TMPRSS15: variants seen among roughly 807,000 people sequenced by gnomAD.
TMPRSS15 encodes the protein transmembrane serine protease 15, also known as enteropeptidase.
In TMPRSS15, 128 loss-of-function variants were observed where a neutral mutation model predicts 125.3. The ratio of observed to expected loss-of-function variants is 1.02; its 90% CI spans 0.89 to 1.18. TMPRSS15 has a LOEUF of 1.18. Among genes scored for constraint, TMPRSS15 ranks in the 50% most tolerant of loss-of-function variants. TMPRSS15 has a pLI of 0.00. For synonymous variants in TMPRSS15, 446 were observed against 423.2 expected (o/e 1.05, Z -0.66); for missense variants, 1,283 against 1,212.7 (o/e 1.06, Z -0.86).
At chr21:18,367,956 A>G (rs190394435) in intron 6 of TMPRSS15, among the ~76,000 whole-genome samples, 2 of 152,300 alleles carry the variant, frequency 1.3e-5, no homozygotes, top group African/African-American at 4.8e-5. Flanking sequence ...CACTCTTTGA[A>G]CTGAAAAGCA....
At chr21:18,467,400 T>C (rs1978688108) in intron 1 of TMPRSS15, among the ~76,000 whole-genome samples, 1 of 150,252 alleles carries the variant, frequency 6.7e-6, no homozygotes, top group Non-Finnish European at 1.5e-5. Context: ...GAATGAAAAG[T>C]ATAATAATAA....
intron 1 of TMPRSS15, among the ~76,000 whole-genome samples, chr21:18,470,524 TG>T (rs1978757413): frequency 6.6e-6 from 1 of 152,066 alleles, no homozygotes; most frequent in African/African-American, 2.4e-5. Context: ...CTCTGGGTGA[TG>T]GTTAAGTGTG....
chr21:18,287,888 A>T (rs186864312), intron 21 of TMPRSS15, among the ~76,000 whole-genome samples: 1 of 152,294 alleles, frequency 6.6e-6, no homozygotes, highest in African/African-American at 2.4e-5. Flanking sequence ...CAAAGTCAAT[A>T]TTACTAACCT....
chr21:18,304,794 T>C (rs1246029118), intron 18 of TMPRSS15, among the ~76,000 whole-genome samples: 1 of 152,218 alleles, frequency 6.6e-6, no homozygotes, highest in Non-Finnish European at 1.5e-5. Flanking sequence ...AAATTTTTGA[T>C]AATTATTTTT....
rs572643575 is a variant in TMPRSS15 at position 18,372,013 on chromosome 21, A to G, written c.664+180T>C. Among the ~76,000 whole-genome samples, 5 of 151,944 alleles carry G rather than the reference A, an allele frequency of 3.3e-5. No individual in the cohort carries two copies. In the East Asian group the frequency reaches 9.7e-4, roughly 29 times the overall value. ...ATAAAGTTTAGGAAAATATTAATAA[A>G]ATTATTTTAAGATTTTGTATTATAT... On this transcript the variant is annotated intron_variant, in intron 6 of 24. Coordinates refer to ENST00000284885, the MANE Select transcript of TMPRSS15 (RefSeq NM_002772.3).
intron 17 of TMPRSS15, 22 bp downstream of exon 17, chr21:18,315,124 T>C: frequency 3.2e-6 from 5 of 1,584,488 alleles, no homozygotes; most frequent in Non-Finnish European, 4.3e-6. Flanking sequence ...CATAAAAGTA[T>C]TTTCCTAAAA....
intron 1 of TMPRSS15, among the ~76,000 whole-genome samples, chr21:18,450,385 A>C (rs1053297728): frequency 2.0e-5 from 3 of 152,104 alleles, no homozygotes; most frequent in Admixed American, 6.6e-5. Flanking sequence ...TCAGTTTCAC[A>C]TGGCGATTTC....
intron 7 of TMPRSS15, among the ~76,000 whole-genome samples, chr21:18,364,711 C>A (rs1359991272): frequency 1.3e-5 from 2 of 152,172 alleles, no homozygotes; most frequent in Non-Finnish European, 2.9e-5. Context: ...AGGCTGTTCC[C>A]TGCTCTTAAT....
rs369416613 is a variant in TMPRSS15 at position 18,485,287 on chromosome 21, T to C, written c.10+512A>G. Reference sequence around the variant, plus strand: ...TGTGAATAATGATAATTTTTTCCTCTTTATTTCAATCTTTATGTATTTTTT... The same window carrying C: ...TGTGAATAATGATAATTTTTTCCTCCTTATTTCAATCTTTATGTATTTTTT... On this transcript the variant is annotated intron_variant, in intron 1 of 7. Coordinates refer to the TMPRSS15 transcript ENST00000422787. Among the ~76,000 whole-genome samples, 6 of 152,052 alleles carry C rather than the reference T, an allele frequency of 3.9e-5. No homozygotes were observed. In the East Asian group the frequency reaches 9.7e-4, roughly 24 times the overall value.
chr21:18,355,506 G>T lies in TMPRSS15; in HGVS notation c.881-1643C>A, dbSNP rs1054640151. Among the ~76,000 whole-genome samples the T allele has an allele frequency of 2.2e-4, 34 of 151,764 alleles. 1 individual carries two copies. The highest frequency in any genetic ancestry group is 1.9e-4 in the East Asian group (1 of 5,182). On this transcript the variant is annotated intron_variant, in intron 8 of 24. Transcript: ENST00000284885. ...AAAACTTTCATAAGATAGTCTTAAA[G>T]TCTCCTTGCCTAATAAGAGTCCCAG...
intron 1 of TMPRSS15, among the ~76,000 whole-genome samples, chr21:18,471,641 G>T: frequency 6.6e-6 from 1 of 152,164 alleles, no homozygotes; most frequent in Admixed American, 6.6e-5. Flanking sequence ...CCATATTTTT[G>T]AAAACTTAAT....
At chr21:18,351,042 C>G (rs1391122009) in intron 10 of TMPRSS15, among the ~76,000 whole-genome samples, 1 of 151,950 alleles carries the variant, frequency 6.6e-6, no homozygotes, top group Non-Finnish European at 1.5e-5. Flanking sequence ...GGATATCATT[C>G]TCTAAAGAAG....
chr21:18,343,358 A>G (rs1457926037), intron 12 of TMPRSS15, 148 bp downstream of exon 12: 12 of 711,630 alleles, frequency 1.7e-5, no homozygotes, highest in African/African-American at 3.6e-5. Flanking sequence ...AAAATACTCC[A>G]AGGTAAAATG....
chr21:18,400,731 G>T (rs1407580364), intron 1 of TMPRSS15, among the ~76,000 whole-genome samples: 1 of 152,016 alleles, frequency 6.6e-6, no homozygotes, highest in Admixed American at 6.6e-5. Context: ...TGGCAAGTGG[G>T]GCCTAATTAA....
chr21:18,272,650 G>A (rs967198125), intron 24 of TMPRSS15, among the ~76,000 whole-genome samples: 6 of 151,746 alleles, frequency 4.0e-5, no homozygotes, highest in Admixed American at 1.3e-4. Context: ...ACTTGAATCC[G>A]GCAGGTGGAG....
Position 18,394,416 on chromosome 21 carries a change from C to CA in TMPRSS15, c.344+3462dup, listed in dbSNP as rs887394381. Among the ~76,000 whole-genome samples the CA allele has an allele frequency of 2.8e-4, 42 of 151,174 alleles. 1 individual carries two copies. Among genetic ancestry groups the CA allele is most frequent in the South Asian group, 4.2e-4 (2 of 4,784 alleles). On this transcript the variant is annotated intron_variant, in intron 3 of 24. Transcript: ENST00000284885. ...CTGATTTTAAAAGCCTCAGATGAAA[C>CA]AAAAAAAATGTGTCATTTTTCAGGA...
chr21:18,447,012 A>G (rs2076257128), intron 1 of TMPRSS15, among the ~76,000 whole-genome samples: 1 of 152,230 alleles, frequency 6.6e-6, no homozygotes, highest in Admixed American at 6.5e-5. Context: ...AGAACAGGAT[A>G]AACTATTTGC....
chr21:18,331,498 A>C (rs1205820178), intron 14 of TMPRSS15, among the ~76,000 whole-genome samples: 2 of 152,352 alleles, frequency 1.3e-5, no homozygotes. Context: ...GGTAGTCTTT[A>C]TGCAGTTTTA....
intron 3 of TMPRSS15, among the ~76,000 whole-genome samples, chr21:18,388,813 CTAAG>C (rs765654450): frequency 1.6e-4 from 24 of 152,092 alleles, no homozygotes; most frequent in Non-Finnish European, 2.8e-4. Context: ...AAAATAAAGA[CTAAG>C]TACGCATTTT....
Sources: allele counts gnomAD v4.1 joint callset (sites outside exome capture counted in the v4.1 genomes callset), GRCh38; gene constraint gnomAD v4.1.1; transcripts MANE v1.5; gene names NCBI Gene and HGNC (gene_info 2026-07-23, HGNC 2026-07-21).